BIRC6: variants seen among roughly 807,000 people sequenced by gnomAD.
BIRC6 encodes the protein dual E2 ubiquitin-conjugating enzyme/E3 ubiquitin-protein ligase BIRC6.
Under a neutral mutation model 503.3 loss-of-function variants are expected in BIRC6, and 98 were observed. The ratio of observed to expected loss-of-function variants is 0.19; its 90% CI spans 0.17 to 0.23. The LOEUF is 0.23. Among genes scored for constraint, BIRC6 ranks in the 10% least tolerant of loss-of-function variants. BIRC6 has a pLI of 1.00. For synonymous variants in BIRC6, 2,240 were observed against 2,078.7 expected, an observed-to-expected ratio of 1.08 and a Z score of -2.11; for missense variants, 5,360 against 5,806.0, an observed-to-expected ratio of 0.92 and a Z score of 2.50.
At chr2:32,530,718 A>T (rs148307692) in intron 60 of BIRC6, among the ~76,000 whole-genome samples, 3 of 152,256 alleles carry the variant, frequency 2.0e-5, no homozygotes, top group Admixed American at 6.5e-5. Flanking sequence ...ACTAAAATTC[A>T]GTCTTTAGTT....
intron 50 of BIRC6, among the ~76,000 whole-genome samples, chr2:32,506,541 A>G (rs1158144166): frequency 1.3e-5 from 2 of 152,250 alleles, no homozygotes; most frequent in Non-Finnish European, 2.9e-5. Flanking sequence ...GATTGCTTTT[A>G]TTTGGAAAGC....
intron 4 of BIRC6, 48 bp from the exon 5 acceptor site, chr2:32,391,991 T>A: frequency 8.0e-7 from 1 of 1,243,530 alleles, no homozygotes; most frequent in African/African-American, 1.5e-5. Flanking sequence ...GAAGTTTCAC[T>A]GTGATTTGAT....
chr2:32,530,669 TA>T (rs1173467902), intron 60 of BIRC6, among the ~76,000 whole-genome samples: 1 of 152,206 alleles, frequency 6.6e-6, no homozygotes, highest in East Asian at 1.9e-4. Context: ...ATAGTGTGAG[TA>T]TGATATGAAC....
intron 16 of BIRC6, 118 bp downstream of exon 16, chr2:32,439,804 T>C: frequency 1.2e-6 from 1 of 865,372 alleles, no homozygotes; most frequent in Non-Finnish European, 1.7e-6. Context: ...GCTTGGTTTG[T>C]TTGTATTTTG....
intron 59 of BIRC6, chr2:32,527,743 G>A (rs1160442895): frequency 6.6e-6 from 1 of 152,244 alleles, no homozygotes; most frequent in Non-Finnish European, 1.5e-5. Flanking sequence ...TAAGCTGGAA[G>A]AAGTAGATGT....
At chr2:32,516,345 C>A (rs1446733947) in intron 55 of BIRC6, among the ~76,000 whole-genome samples, 1 of 151,856 alleles carries the variant, frequency 6.6e-6, no homozygotes, top group Non-Finnish European at 1.5e-5. Flanking sequence ...GAAACCCCAT[C>A]TCTCCTAAAA....
chr2:32,560,206 A>T (rs1172888186), intron 65 of BIRC6, among the ~76,000 whole-genome samples: 1 of 152,224 alleles, frequency 6.6e-6, no homozygotes, highest in Non-Finnish European at 1.5e-5. Context: ...AAAATGAAGA[A>T]ATTTGATATC....
intron 23 of BIRC6, among the ~76,000 whole-genome samples, chr2:32,459,970 A>G (rs2047652173): frequency 6.6e-6 from 1 of 150,770 alleles, no homozygotes; most frequent in Non-Finnish European, 1.5e-5. Flanking sequence ...AGTTTCTTAG[A>G]GAATTTTTAA....
chr2:32,466,557 C>G (rs1285298663), intron 26 of BIRC6, among the ~76,000 whole-genome samples: 1 of 152,090 alleles, frequency 6.6e-6, no homozygotes, highest in Non-Finnish European at 1.5e-5. Flanking sequence ...GGAAGTTAAG[C>G]AGGGCTTAAG....
chr2:32,449,783 T>C (rs966835484), intron 22 of BIRC6, among the ~76,000 whole-genome samples: 1 of 152,258 alleles, frequency 6.6e-6, no homozygotes, highest in African/African-American at 2.4e-5. Context: ...ACTGGATGTT[T>C]AGCTATTTAA....
chr2:32,568,677 T>G (rs1263147154), intron 65 of BIRC6, among the ~76,000 whole-genome samples: 2 of 151,532 alleles, frequency 1.3e-5, no homozygotes, highest in African/African-American at 4.9e-5. Flanking sequence ...AACACCATCT[T>G]GACCAAAAAT....
chr2:32,379,783 A>G (rs992785272), intron 2 of BIRC6, among the ~76,000 whole-genome samples: 1 of 152,100 alleles, frequency 6.6e-6, no homozygotes, highest in East Asian at 1.9e-4. Context: ...TTATGACTTT[A>G]TATAGCTTGA....
Position 32,599,667 on chromosome 2 carries a change from T to G in BIRC6, c.13831-72T>G, listed in dbSNP as rs1559134911. ...AACGAAGGTTGTTCTTATTTCATGT[T>G]GGATTGTATTTTTCTAAATATCAGT... is the stretch of plus-strand genomic sequence containing the variant. On this transcript the variant is annotated intron_variant, in intron 69 of 73. Transcript: ENST00000421745. 3.1e-5 allele frequency: 45 copies of G among 1,468,728 alleles called. 1 individual carries two copies. The South Asian group carries it at 5.1e-4, about 17-fold the overall frequency. 91.0% of individuals were successfully genotyped at this position (1,468,728 alleles called of 1,614,324 possible).
chr2:32,560,914 A>G (rs1347025920), intron 65 of BIRC6, among the ~76,000 whole-genome samples: 1 of 151,936 alleles, frequency 6.6e-6, no homozygotes, highest in African/African-American at 2.4e-5. Flanking sequence ...TTGACCTGCA[A>G]GTAGGCCGGG....
At chr2:32,511,204 T>TTTTTTTTTTTTTTTTTTTTTTTTTTTA (rs2054385081) in intron 53 of BIRC6, among the ~76,000 whole-genome samples, 1 of 131,990 alleles carries the variant, frequency 7.6e-6, no homozygotes, top group Non-Finnish European at 1.6e-5. Context: ...TTCTTTTCTT[T>TTTTTTTTTTTTTTTTTTTTTTTTTTTA]TTTTTTTTTT....
intron 4 of BIRC6, among the ~76,000 whole-genome samples, chr2:32,391,760 T>C (rs1417944638): frequency 1.3e-5 from 2 of 152,250 alleles, no homozygotes; most frequent in Non-Finnish European, 2.9e-5. Flanking sequence ...AGTTTGACTC[T>C]TAGTGAGCTG....
At chr2:32,467,449 G>A in intron 26 of BIRC6, 76 bp from the exon 27 acceptor site, 2 of 1,141,344 alleles carry the variant, frequency 1.8e-6, no homozygotes, top group Non-Finnish European at 2.6e-6. Context: ...TAAGATGAGT[G>A]CTCCAAATTA....
intron 60 of BIRC6, among the ~76,000 whole-genome samples, chr2:32,530,994 A>G (rs1467800050): frequency 6.6e-6 from 1 of 152,254 alleles, no homozygotes; most frequent in Non-Finnish European, 1.5e-5. Flanking sequence ...TTATTTTAAC[A>G]TAGGATATAC....
At chr2:32,441,985 A>C in intron 17 of BIRC6, 80 bp from the exon 18 acceptor site, 1 of 1,048,940 alleles carries the variant, frequency 9.5e-7, no homozygotes, top group Non-Finnish European at 1.3e-6. Context: ...AAAATTAAAC[A>C]TTGCCTTTCC....
Sources: allele counts gnomAD v4.1 joint callset (sites outside exome capture counted in the v4.1 genomes callset), GRCh38; gene constraint gnomAD v4.1.1; transcripts MANE v1.5; gene names NCBI Gene and HGNC (gene_info 2026-07-23, HGNC 2026-07-21).